ADCY2: variants seen among roughly 807,000 people sequenced by gnomAD.
The protein encoded by ADCY2 is adenylate cyclase 2.
ADCY2 carries 31 observed loss-of-function variants against 125.2 expected under a neutral mutation model. The observed-to-expected ratio is 0.25, with a 90% CI of 0.19 to 0.33. The LOEUF (loss-of-function observed/expected upper bound fraction) is 0.33. Ranked by LOEUF, ADCY2 falls within the 10% of genes least tolerant of loss-of-function variation. The pLI, the probability that ADCY2 is intolerant of heterozygous loss-of-function variation, is 1.00. For missense variants in ADCY2, 904 were observed against 1,418.2 expected (o/e 0.64, Z 5.82); for synonymous variants, 512 against 548.4 (o/e 0.93, Z 0.93).
At chr5:7,703,153 C>A (rs914716673) in intron 7 of ADCY2, among the ~76,000 whole-genome samples, 10 of 151,850 alleles carry the variant, frequency 6.6e-5, no homozygotes, top group Admixed American at 1.3e-4. Flanking sequence ...GAGTAGATTG[C>A]AAAAATTTTC....
chr5:7,818,032 C>T (rs556014403), intron 23 of ADCY2, among the ~76,000 whole-genome samples: 1 of 152,224 alleles, frequency 6.6e-6, no homozygotes, highest in East Asian at 1.9e-4. Flanking sequence ...CAGTTACTTG[C>T]AACCATTCAG....
At chr5:7,756,602 T>C (rs986719838) in intron 15 of ADCY2, among the ~76,000 whole-genome samples, 1 of 152,134 alleles carries the variant, frequency 6.6e-6, no homozygotes, top group Non-Finnish European at 1.5e-5. Context: ...ACTAGATGGT[T>C]CCACTTATAG....
chr5:7,818,162 GCT>G (rs1745177935), intron 23 of ADCY2, among the ~76,000 whole-genome samples: 2 of 152,094 alleles, frequency 1.3e-5, no homozygotes, highest in African/African-American at 4.8e-5. Flanking sequence ...GGTTTTTAAC[GCT>G]CTCTTACATA....
In ADCY2 at chr5:7,727,202, G is replaced by T; in HGVS notation, c.1812G>T (p.Val604=). 6.2e-7 allele frequency: 1 copy of T among 1,614,148 alleles called. No individual in the cohort carries two copies. Among genetic ancestry groups the T allele is most frequent in the Non-Finnish European group, 8.5e-7 (1 of 1,180,012 alleles). ...CACTGCCAGCGTTCAAGTATTATGT[G>T]ACTTGTGCCTGTCTCATATTCTTCT... ...ATALPAFKYY[V]TCACLIFFCI... The change falls in exon 14 of 25, where the codon GTG becomes GTT. Residue 604 remains valine, a synonymous_variant. Transcript: ENST00000338316.
intron 1 of ADCY2, among the ~76,000 whole-genome samples, chr5:7,397,783 G>A (rs973597506): frequency 2.0e-5 from 3 of 152,130 alleles, no homozygotes; most frequent in Non-Finnish European, 2.9e-5. Context: ...GAAATAGAAT[G>A]TAGGAGGCCA....
chr5:7,450,468 A>G (rs530981046), intron 2 of ADCY2, among the ~76,000 whole-genome samples: 4 of 152,312 alleles, frequency 2.6e-5, no homozygotes, highest in African/African-American at 9.6e-5. Flanking sequence ...TACCAAAGAA[A>G]AGTGGGAATC....
intron 3 of ADCY2, among the ~76,000 whole-genome samples, chr5:7,594,951 C>T (rs1255524727): frequency 6.6e-6 from 1 of 152,152 alleles, no homozygotes; most frequent in Non-Finnish European, 1.5e-5. Flanking sequence ...CCAGAGCCTG[C>T]TTTTAAATGC....
rs140474728 is a variant in ADCY2 at position 7,505,675 on chromosome 5, G to T, written c.409-15063G>T. ...TCAGTAAGGAGAAAAGCAAACAAAG[G>T]CATTTAGAACTTGGAGGGTCTTATT... On this transcript the variant is annotated intron_variant, in intron 2 of 24. Transcript: ENST00000338316. Among the ~76,000 whole-genome samples the T allele has an allele frequency of 1.2e-3, 187 of 152,236 alleles. 1 individual carries two copies. The highest frequency in any genetic ancestry group is 4.3e-3 in the African/African-American group (177 of 41,536).
intron 4 of ADCY2, among the ~76,000 whole-genome samples, chr5:7,635,568 T>C (rs908175229): frequency 1.3e-5 from 2 of 152,092 alleles, no homozygotes; most frequent in Non-Finnish European, 2.9e-5. Context: ...CAGATTTGAG[T>C]TTTTAACAGC....
At chr5:7,703,327 A>C (rs1428494517) in intron 7 of ADCY2, among the ~76,000 whole-genome samples, 2 of 152,150 alleles carry the variant, frequency 1.3e-5, no homozygotes, top group African/African-American at 4.8e-5. Flanking sequence ...GGTATTGCCT[A>C]GGTTTTCTTC....
chr5:7,671,775 T>C (rs1485071549), intron 4 of ADCY2, among the ~76,000 whole-genome samples: 1 of 151,780 alleles, frequency 6.6e-6, no homozygotes, highest in Non-Finnish European at 1.5e-5. Context: ...GCAGCTACAC[T>C]CAAGTAGACT....
At position 7,754,808 on chromosome 5, in the gene ADCY2, G is replaced by A. The variant is rs555032544; in HGVS notation, c.1957-2641G>A. On this transcript the variant is annotated intron_variant, in intron 15 of 24. Transcript: ENST00000338316. ...GGAGGCGGAGGTTGCAGTGAGCAGA[G>A]ATCGTGCCATTGAACTCCAGCCTGA... Among the ~76,000 whole-genome samples, 27 of 151,876 alleles carry A rather than the reference G, an allele frequency of 1.8e-4. No homozygotes were observed. In the Middle Eastern group the frequency reaches 0.014, roughly 77 times the overall value.
intron 18 of ADCY2, among the ~76,000 whole-genome samples, chr5:7,780,930 A>G (rs934321903): frequency 1.3e-5 from 2 of 152,138 alleles, no homozygotes; most frequent in African/African-American, 4.8e-5. Context: ...TCCATTAACA[A>G]CCTCAGGCGG....
intron 4 of ADCY2, among the ~76,000 whole-genome samples, chr5:7,660,848 A>G (rs1031911734): frequency 2.0e-5 from 3 of 152,222 alleles, no homozygotes; most frequent in Non-Finnish European, 1.5e-5. Flanking sequence ...ACTGGGCACA[A>G]TGGCCTACTG....
At chr5:7,789,858 T>C (rs1393288789) in intron 20 of ADCY2, 58 bp downstream of exon 20, 1 of 1,388,402 alleles carries the variant, frequency 7.2e-7, no homozygotes, top group East Asian at 2.5e-5. Flanking sequence ...ATGACCTGGG[T>C]GAGGGCTGAA....
chr5:7,794,446 G>T (rs1254056487), intron 20 of ADCY2: 1 of 152,320 alleles, frequency 6.6e-6, no homozygotes. Flanking sequence ...AACAGTGAGT[G>T]TGGGGAGATT....
At chr5:7,642,658 T>C (rs1031920931) in intron 4 of ADCY2, among the ~76,000 whole-genome samples, 1 of 152,112 alleles carries the variant, frequency 6.6e-6, no homozygotes, top group Admixed American at 6.6e-5. Flanking sequence ...CCAATGCATA[T>C]AGTCACCAGA....
chr5:7,453,763 A>C (rs761449613), intron 2 of ADCY2, among the ~76,000 whole-genome samples: 12 of 152,188 alleles, frequency 7.9e-5, no homozygotes, highest in Middle Eastern at 3.4e-3. Flanking sequence ...GGCAGTTTGC[A>C]TGCACAGTGG....
intron 4 of ADCY2, among the ~76,000 whole-genome samples, chr5:7,668,589 T>A (rs1462351079): frequency 6.6e-6 from 1 of 152,194 alleles, no homozygotes; most frequent in Non-Finnish European, 1.5e-5. Flanking sequence ...AAAATACTGA[T>A]CTAGAAAACA....
Sources: allele counts gnomAD v4.1 joint callset (sites outside exome capture counted in the v4.1 genomes callset), GRCh38; gene constraint gnomAD v4.1.1; transcripts MANE v1.5; gene names NCBI Gene and HGNC (gene_info 2026-07-23, HGNC 2026-07-21).